ABTB3: variants seen among roughly 807,000 people sequenced by gnomAD.
ABTB3 encodes the protein ankyrin repeat and BTB domain containing 3.
chr12:107,458,648 G>A, the ABTB3 span, among the ~76,000 whole-genome samples: 323 of 152,296 alleles, frequency 2.1e-3, no homozygotes, highest in Non-Finnish European at 3.8e-3. Flanking sequence ...TACACATACA[G>A]GTAGGGGAGA....
chr12:107,493,501 CACGGGAAAGA>C, the ABTB3 span, among the ~76,000 whole-genome samples: 1 of 152,166 alleles, frequency 6.6e-6, no homozygotes, highest in Non-Finnish European at 1.5e-5. Flanking sequence ...GCCCCTCTTT[CACGGGAAAGA>C]AAAGGGCCTG....
chr12:107,472,092 C>T, the ABTB3 span, among the ~76,000 whole-genome samples: 1 of 151,910 alleles, frequency 6.6e-6, no homozygotes, highest in Non-Finnish European at 1.5e-5. Flanking sequence ...AGAGAAAACA[C>T]TGAGGGGCTC....
chr12:107,608,997 AAATAAAATAAAAT>A, the ABTB3 span, among the ~76,000 whole-genome samples: 85 of 140,990 alleles, frequency 6.0e-4, 6 homozygotes, highest in African/African-American at 2.4e-3. Flanking sequence ...AAATAAAATA[AAATAAAATAAAAT>A]AAAGACACAG....
the ABTB3 span, among the ~76,000 whole-genome samples, chr12:107,588,682 G>T: frequency 1.3e-5 from 2 of 152,054 alleles, no homozygotes; most frequent in Admixed American, 1.3e-4. Flanking sequence ...CACCACGCCC[G>T]GCTACTTTTT....
At chr12:107,422,304 G>C in the ABTB3 span, among the ~76,000 whole-genome samples, 6 of 152,236 alleles carry the variant, frequency 3.9e-5, no homozygotes, top group East Asian at 1.2e-3. Flanking sequence ...GTCAGAGAGG[G>C]AGATGGGTCA....
chr12:107,656,666 T>A, the ABTB3 span, among the ~76,000 whole-genome samples: 1 of 152,222 alleles, frequency 6.6e-6, no homozygotes, highest in Admixed American at 6.5e-5. Context: ...CTATCAAATA[T>A]TATCAATGTA....
chr12:107,386,993 T>C, the ABTB3 span, among the ~76,000 whole-genome samples: 5 of 145,964 alleles, frequency 3.4e-5, no homozygotes, highest in Admixed American at 3.4e-4. Flanking sequence ...TTTTTTTTTT[T>C]TGAGACAGAG....
At chr12:107,348,981 C>A in the ABTB3 span, among the ~76,000 whole-genome samples, 2 of 152,170 alleles carry the variant, frequency 1.3e-5, no homozygotes, top group African/African-American at 4.8e-5. Flanking sequence ...CATATTTGAA[C>A]TGTCTTGGCA....
At chr12:107,375,963 G>A in the ABTB3 span, among the ~76,000 whole-genome samples, 1 of 152,138 alleles carries the variant, frequency 6.6e-6, no homozygotes, top group Admixed American at 6.5e-5. Context: ...TTCCCCATGC[G>A]CCATCTCTTA....
At chr12:107,318,838 A>G in the ABTB3 span, 1 of 1,352,070 alleles carries the variant, frequency 7.4e-7, no homozygotes, top group Non-Finnish European at 9.9e-7. Flanking sequence ...AAGTGAGCCA[A>G]GGCGGCGCGG....
chr12:107,324,365 C>T, the ABTB3 span, among the ~76,000 whole-genome samples: 201 of 152,140 alleles, frequency 1.3e-3, no homozygotes, highest in Non-Finnish European at 1.6e-3. Context: ...TTGTTTTGGT[C>T]AAAGGAAAAT....
At chr12:107,579,451 T>C in the ABTB3 span, among the ~76,000 whole-genome samples, 1 of 152,214 alleles carries the variant, frequency 6.6e-6, no homozygotes, top group African/African-American at 2.4e-5. Context: ...AACATCATTC[T>C]CCTGATCAAT....
the ABTB3 span, chr12:107,319,868 G>A: frequency 2.7e-5 from 34 of 1,250,398 alleles, no homozygotes; most frequent in Non-Finnish European, 3.4e-5. Context: ...CGCCAGCGGG[G>A]GCAGCAGCTG....
the ABTB3 span, among the ~76,000 whole-genome samples, chr12:107,651,473 G>A: frequency 1.5e-4 from 22 of 149,124 alleles, no homozygotes; most frequent in African/African-American, 4.7e-4. Context: ...TCCCCCTCCC[G>A]CTCCCCCGTC....
chr12:107,458,572 A>G, the ABTB3 span, among the ~76,000 whole-genome samples: 1 of 152,200 alleles, frequency 6.6e-6, no homozygotes, highest in African/African-American at 2.4e-5. Context: ...CCTGGAAGGC[A>G]GATCCACCCC....
chr12:107,559,220 T>A, the ABTB3 span, among the ~76,000 whole-genome samples: 1 of 152,196 alleles, frequency 6.6e-6, no homozygotes, highest in Non-Finnish European at 1.5e-5. Flanking sequence ...AGTGTCATCC[T>A]CAGTGTCTCC....
chr12:107,551,986 G>A, the ABTB3 span, among the ~76,000 whole-genome samples: 1,962 of 152,240 alleles, frequency 0.013, 41 homozygotes, highest in African/African-American at 0.043. Context: ...TCCTGACCTC[G>A]GGTGATCCGC....
At chr12:107,388,694 G>A in the ABTB3 span, among the ~76,000 whole-genome samples, 19 of 152,164 alleles carry the variant, frequency 1.2e-4, no homozygotes, top group African/African-American at 4.6e-4. Context: ...AGTGGCATCT[G>A]CACAGCACCA....
the ABTB3 span, among the ~76,000 whole-genome samples, chr12:107,604,566 A>C: frequency 1.3e-5 from 2 of 152,236 alleles, no homozygotes; most frequent in African/African-American, 4.8e-5. Flanking sequence ...CTACAATGAG[A>C]TATCGCTTCA....
Sources: allele counts gnomAD v4.1 joint callset (sites outside exome capture counted in the v4.1 genomes callset), GRCh38; gene constraint gnomAD v4.1.1; transcripts MANE v1.5; gene names NCBI Gene and HGNC (gene_info 2026-07-23, HGNC 2026-07-21).